The following CHST11 variants were observed in gnomAD, a reference collection of about 807,000 sequenced individuals.
CHST11 encodes carbohydrate sulfotransferase 11, also known as C4S-1.
CHST11 carries 9 observed loss-of-function variants against 30.4 expected under a neutral mutation model. That is an observed-to-expected ratio of 0.30 (90% CI 0.18 to 0.52). The LOEUF (loss-of-function observed/expected upper bound fraction) is 0.52, where lower values mean the gene tolerates loss of function less well. Among genes scored for constraint, CHST11 ranks in the 20% least tolerant of loss-of-function variants. The pLI, the probability that CHST11 is intolerant of heterozygous loss-of-function variation, is 0.97. For missense variants in CHST11, 348 were observed against 460.6 expected (o/e 0.76, Z 2.24); for synonymous variants, 152 against 187.8 (o/e 0.81, Z 1.56).
intron 2 of CHST11, among the ~76,000 whole-genome samples, chr12:104,657,868 C>T (rs1359358112): frequency 6.6e-6 from 1 of 152,174 alleles, no homozygotes. Context: ...TGCCTTGGCT[C>T]AAGCTGGAGC....
intron 2 of CHST11, among the ~76,000 whole-genome samples, chr12:104,614,256 T>C (rs2039086937): frequency 6.6e-6 from 1 of 152,182 alleles, no homozygotes; most frequent in African/African-American, 2.4e-5. Context: ...CTGACCATTA[T>C]AAAATGAGGT....
rs1223590971 is a variant in CHST11, at chr12:104,760,627, C to A, written c.*2824C>A. The A allele has an allele frequency of 6.6e-6, 1 of 152,200 alleles. No individual in the cohort carries two copies. Among genetic ancestry groups the A allele is most frequent in the Non-Finnish European group, 1.5e-5 (1 of 68,036 alleles). 9.4% of individuals were successfully genotyped at this position (152,200 alleles called of 1,614,324 possible). A position where few individuals can be genotyped will look rare whatever the true frequency, so the allele number is the denominator to read the frequency against. On this transcript the variant is annotated 3_prime_UTR_variant, in exon 3 of 3. Coordinates refer to ENST00000303694, the MANE Select transcript of CHST11 (RefSeq NM_018413.6). ...CTGTGTCCGTCTTTGGTCAGTTGTG[C>A]AAGCCTGCTCACTGTCATGTGAAGA... is the stretch of plus-strand genomic sequence containing the variant.
intron 1 of CHST11, among the ~76,000 whole-genome samples, chr12:104,594,375 G>T (rs531676916): frequency 1.3e-5 from 2 of 152,174 alleles, no homozygotes; most frequent in South Asian, 2.1e-4. Flanking sequence ...CAGAGATAGT[G>T]GTTCCTGGGT....
intron 1 of CHST11, among the ~76,000 whole-genome samples, chr12:104,573,354 A>G (rs1490940110): frequency 6.6e-6 from 1 of 152,098 alleles, no homozygotes; most frequent in Non-Finnish European, 1.5e-5. Context: ...AATTGGAAAA[A>G]ACTACTTTAA....
In CHST11 at chr12:104,457,361, G is replaced by T; in HGVS notation, c.-51G>T. The T allele has an allele frequency of 1.4e-6, 2 of 1,407,128 alleles. No individual in the cohort carries two copies. The highest frequency in any genetic ancestry group is 2.0e-6 in the Non-Finnish European group (2 of 1,000,832). The allele number at this position is 1,407,128 out of a possible 1,614,324, so 87.2% of individuals were successfully genotyped here. A position where few individuals can be genotyped will look rare whatever the true frequency, so the allele number is the denominator to read the frequency against. On this transcript the variant is annotated 5_prime_UTR_variant, in exon 1 of 3. Transcript: ENST00000303694. ...CGCGCGGCGGGGTCCCTGCTCCTGCGCCCCGGGCGCGCTTCCCGGACACCC... is the reference window on the plus strand; with the variant it reads ...CGCGCGGCGGGGTCCCTGCTCCTGCTCCCCGGGCGCGCTTCCCGGACACCC...
intron 1 of CHST11, among the ~76,000 whole-genome samples, chr12:104,510,660 A>T (rs191021382): frequency 6.6e-6 from 1 of 152,256 alleles, no homozygotes; most frequent in African/African-American, 2.4e-5. Context: ...CATGTCTTTC[A>T]TAATCAATAC....
intron 2 of CHST11, among the ~76,000 whole-genome samples, chr12:104,633,939 A>G (rs1448570412): frequency 6.6e-6 from 1 of 151,654 alleles, no homozygotes; most frequent in Admixed American, 6.6e-5. Flanking sequence ...TTTCTAGGGG[A>G]CCCTGGTGCC....
At chr12:104,573,249 A>C (rs1183711086) in intron 1 of CHST11, among the ~76,000 whole-genome samples, 1 of 152,168 alleles carries the variant, frequency 6.6e-6, no homozygotes. Flanking sequence ...GCTCATGGAT[A>C]GGAAGAATCA....
rs967137671 is a variant in CHST11 at position 104,613,507 on chromosome 12, T to C, written c.204+11516T>C. On this transcript the variant is annotated intron_variant, in intron 2 of 2. Coordinates refer to ENST00000303694, the MANE Select transcript of CHST11 (RefSeq NM_018413.6). ...TGGATCATGGGGTGGATTTCCCCCTTGCTGTTCTCATGATAGTGAGTGAGT... is the reference window on the plus strand; with the variant it reads ...TGGATCATGGGGTGGATTTCCCCCTCGCTGTTCTCATGATAGTGAGTGAGT... 7.2e-5 allele frequency among the ~76,000 whole-genome samples: 11 copies of C among 152,198 alleles called. No individual in the cohort carries two copies. In the East Asian group the frequency reaches 7.7e-4, roughly 11 times the overall value.
chr12:104,619,072 G>A (rs754109979), intron 2 of CHST11, among the ~76,000 whole-genome samples: 1 of 152,226 alleles, frequency 6.6e-6, no homozygotes, highest in South Asian at 2.1e-4. Context: ...AATGCACAGT[G>A]AAGACCATCC....
chr12:104,546,461 CAAA>C (rs760073702), intron 1 of CHST11, among the ~76,000 whole-genome samples: 4 of 66,792 alleles, frequency 6.0e-5, no homozygotes. Context: ...GACCCTGTCT[CAAA>C]AAAAAAAAAA....
chr12:104,752,351 C>G (rs2040439130), intron 2 of CHST11, among the ~76,000 whole-genome samples: 1 of 152,162 alleles, frequency 6.6e-6, no homozygotes, highest in Non-Finnish European at 1.5e-5. Flanking sequence ...ATCATCTCAT[C>G]TTAACTAATT....
chr12:104,670,207 A>G (rs573367589), intron 2 of CHST11, among the ~76,000 whole-genome samples: 5 of 152,268 alleles, frequency 3.3e-5, no homozygotes, highest in Admixed American at 1.3e-4. Context: ...AGAGCAGCCC[A>G]CAGAGGCCTT....
intron 2 of CHST11, among the ~76,000 whole-genome samples, chr12:104,711,655 GC>G (rs1242084732): frequency 6.6e-6 from 1 of 152,162 alleles, no homozygotes; most frequent in Admixed American, 6.5e-5. Context: ...ATTTAAAAGG[GC>G]CTGAGAGGGT....
At chr12:104,575,120 G>C (rs2038670501) in intron 1 of CHST11, among the ~76,000 whole-genome samples, 1 of 151,908 alleles carries the variant, frequency 6.6e-6, no homozygotes, top group South Asian at 2.1e-4. Flanking sequence ...TTGAACCCAG[G>C]AGGCAGAGGT....
intron 2 of CHST11, among the ~76,000 whole-genome samples, chr12:104,669,554 C>T (rs998311947): frequency 4.6e-5 from 7 of 152,160 alleles, no homozygotes; most frequent in African/African-American, 7.2e-5. Flanking sequence ...TTGGGCATCT[C>T]CCTGCTCCAG....
chr12:104,604,020 T>A (rs2038980710), intron 2 of CHST11, among the ~76,000 whole-genome samples: 1 of 152,186 alleles, frequency 6.6e-6, no homozygotes, highest in Non-Finnish European at 1.5e-5. Context: ...CACTAGGCGC[T>A]GGGCACAAAA....
rs144857594 is a variant in CHST11, at chr12:104,704,950, AG to A, written c.205-51997del. On this transcript the variant is annotated intron_variant, in intron 2 of 2. Coordinates refer to ENST00000303694, the MANE Select transcript of CHST11 (RefSeq NM_018413.6). ...CTTGACAAAGGGTATTTAGTGGCATAGGTTTCTACCTGTTTATGTTCCGTAT... is the reference window on the plus strand; with the variant it reads ...CTTGACAAAGGGTATTTAGTGGCATAGTTTCTACCTGTTTATGTTCCGTAT... Among the ~76,000 whole-genome samples the A allele has an allele frequency of 8.2e-3, 1,248 of 152,272 alleles. 18 individuals carry two copies. The highest frequency in any genetic ancestry group is 0.029 in the African/African-American group (1,197 of 41,536).
rs572344900 is a variant in CHST11 at position 104,514,498 on chromosome 12, C to G, written c.118+56969C>G. 3.9e-5 allele frequency: 26 copies of G among 667,092 alleles called. No individual in the cohort carries two copies. In the East Asian group the frequency reaches 6.8e-4, roughly 17 times the overall value. The allele number at this position is 667,092 out of a possible 1,614,324, so 41.3% of individuals were successfully genotyped here. A position where few individuals can be genotyped will look rare whatever the true frequency, so the allele number is the denominator to read the frequency against. ...CTACGACTCCATACCATTACTGGTG[C>G]TGGGATGTGCTAAGCTTTACAACAT... On this transcript the variant is annotated intron_variant, in intron 1 of 2. Coordinates refer to ENST00000303694, the MANE Select transcript of CHST11 (RefSeq NM_018413.6).
Sources: allele counts gnomAD v4.1 joint callset (sites outside exome capture counted in the v4.1 genomes callset), GRCh38; gene constraint gnomAD v4.1.1; transcripts MANE v1.5; gene names NCBI Gene and HGNC (gene_info 2026-07-23, HGNC 2026-07-21).